Variants in VAX2 observed in about 807,000 individuals in gnomAD.
The protein encoded by VAX2 is ventral anterior homeobox 2.
VAX2 carries 8 observed loss-of-function variants against 12.5 expected under a neutral mutation model. The ratio of observed to expected loss-of-function variants is 0.64; its 90% CI spans 0.37 to 1.15. The LOEUF is 1.15. Among genes scored for constraint, VAX2 ranks in the 50% most tolerant of loss-of-function variants. VAX2 has a pLI of 0.01. For missense variants in VAX2, 476 were observed against 412.9 expected (o/e 1.15, Z -1.32); for synonymous variants, 183 against 187.6 (o/e 0.98, Z 0.20).
At chr2:70,908,381 T>C (rs868979536) in intron 1 of VAX2, among the ~76,000 whole-genome samples, 3 of 152,212 alleles carry the variant, frequency 2.0e-5, no homozygotes, top group South Asian at 2.1e-4. Flanking sequence ...GTTCAAGGAC[T>C]TTCTAATATG....
intron 1 of VAX2, among the ~76,000 whole-genome samples, chr2:70,911,220 G>A (rs1171528250): frequency 2.6e-5 from 4 of 151,984 alleles, no homozygotes; most frequent in Non-Finnish European, 5.9e-5. Flanking sequence ...ATAAAAATGG[G>A]TTTATGCACA....
At chr2:70,915,973 C>T (rs994580534) in intron 1 of VAX2, among the ~76,000 whole-genome samples, 3 of 152,152 alleles carry the variant, frequency 2.0e-5, no homozygotes, top group Admixed American at 6.5e-5. Flanking sequence ...ACTTTAGCCT[C>T]ACCCTAAGCC....
At chr2:70,906,269 T>G (rs1304928267) in intron 1 of VAX2, among the ~76,000 whole-genome samples, 1 of 152,134 alleles carries the variant, frequency 6.6e-6, no homozygotes, top group East Asian at 1.9e-4. Context: ...GTGTCCTGGG[T>G]TCTCCCACTG....
rs782551077 is a variant in VAX2, at chr2:70,932,878, C to G, written c.547C>G (p.Leu183Val). 1 of 1,613,626 alleles carries G rather than the reference C, an allele frequency of 6.2e-7. No individual in the cohort carries two copies. The highest frequency in any genetic ancestry group is 1.1e-5 in the South Asian group (1 of 91,062). The change falls in exon 3 of 3, where the codon CTG becomes GTG. Residue 183 changes from leucine (L) to valine (V), a missense_variant. Coordinates refer to ENST00000234392, the MANE Select transcript of VAX2 (RefSeq NM_012476.3). ...CGAGGCCTTTGCCACCTCCAACATT[C>G]TGCGGCTGCTGGAGCAGGGCCGGCT... ...ASEAFATSNI[L>V]RLLEQGRLLS...
chr2:70,900,953 C>T (rs1281887915), intron 1 of VAX2, 85 bp downstream of exon 1: 2 of 1,188,642 alleles, frequency 1.7e-6, no homozygotes, highest in Non-Finnish European at 1.1e-6. Flanking sequence ...GCTGACACCT[C>T]TCAATTCATA....
intron 1 of VAX2, among the ~76,000 whole-genome samples, chr2:70,916,655 T>C (rs1679311264): frequency 6.6e-6 from 1 of 152,206 alleles, no homozygotes; most frequent in African/African-American, 2.4e-5. Flanking sequence ...TTTTTTCCCC[T>C]CAGTATAATT....
chr2:70,921,016 C>T (rs1679444923), intron 1 of VAX2, 82 bp from the exon 2 acceptor site: 26 of 1,421,490 alleles, frequency 1.8e-5, no homozygotes, highest in Admixed American at 1.2e-4. Flanking sequence ...CGATAGATCA[C>T]ACCACCTTTT....
intron 1 of VAX2, among the ~76,000 whole-genome samples, chr2:70,918,093 A>C (rs1400881767): frequency 2.6e-5 from 4 of 152,196 alleles, no homozygotes; most frequent in Non-Finnish European, 5.9e-5. Context: ...GGGGAGCTTG[A>C]GTTGTCCTAA....
chr2:70,917,969 T>G (rs1553412271), intron 1 of VAX2, among the ~76,000 whole-genome samples: 1 of 152,252 alleles, frequency 6.6e-6, no homozygotes, highest in Non-Finnish European at 1.5e-5. Flanking sequence ...CACAAAGTTC[T>G]GAGTCTGCTC....
chr2:70,906,520 CTTTT>C (rs869309305), intron 1 of VAX2, among the ~76,000 whole-genome samples: 42 of 60,596 alleles, frequency 6.9e-4, no homozygotes, highest in South Asian at 9.2e-4. Flanking sequence ...TTTTCTTTTC[CTTTT>C]TTTTTTTTTT....
chr2:70,926,173 T>G (rs1243337731), intron 2 of VAX2, among the ~76,000 whole-genome samples: 3 of 152,116 alleles, frequency 2.0e-5, no homozygotes, highest in Non-Finnish European at 2.9e-5. Context: ...TCCTTGGCTC[T>G]CCACCACTCA....
chr2:70,928,168 G>T (rs1553413800), intron 2 of VAX2, among the ~76,000 whole-genome samples: 1 of 152,250 alleles, frequency 6.6e-6, no homozygotes, highest in Non-Finnish European at 1.5e-5. Context: ...AGGGCCCTGT[G>T]AACCTACCCG....
intron 2 of VAX2, among the ~76,000 whole-genome samples, chr2:70,927,165 TG>T (rs1245332921): frequency 2.6e-5 from 4 of 152,112 alleles, no homozygotes; most frequent in African/African-American, 9.7e-5. Flanking sequence ...TTGCATCAAA[TG>T]CTTGATATTT....
Position 70,900,796 on chromosome 2 carries a change from G to A in VAX2, c.175G>A (p.Glu59Lys). ...TSASSPAGSR[E>K]SGADSDGQPG... ...AGCCTCCAGTCCCGCAGGCTCCAGG[G>A]AGAGTGGAGCCGACAGCGACGGGCA... The change falls in exon 1 of 3, where the codon GAG becomes AAG. Residue 59 changes from glutamate (E) to lysine (K), a missense_variant. Transcript: ENST00000234392. The A allele has an allele frequency of 1.3e-6, 2 of 1,496,658 alleles. No homozygotes were observed. Among genetic ancestry groups the A allele is most frequent in the Non-Finnish European group, 1.8e-6 (2 of 1,123,254 alleles). 92.7% of individuals were successfully genotyped at this position (1,496,658 alleles called of 1,614,324 possible).
chr2:70,932,940 G>A lies in VAX2; in HGVS notation c.609G>A (p.Leu203=), dbSNP rs372003294. 1.2e-6 allele frequency: 2 copies of A among 1,612,904 alleles called. No individual in the cohort carries two copies. Among genetic ancestry groups the A allele is most frequent in the East Asian group, 4.5e-5 (2 of 44,840 alleles). ...CCAGGGCCCCTAGCCTCCTGGCGCT[G>A]ACCCCTAGCCTGCCAGGCCTACCTG... ...SVPRAPSLLA[L]TPSLPGLPAS... Residue 203 remains leucine (L), a synonymous_variant, in exon 3 of 3, where the codon CTG becomes CTA. Transcript: ENST00000234392.
At chr2:70,932,681 CTTCCTCTCCTTTCCTCCTCCCACCTG>C in intron 2 of VAX2, 60 bp from the exon 3 acceptor site, 1 of 834,490 alleles carries the variant, frequency 1.2e-6, no homozygotes, top group Non-Finnish European at 1.7e-6. Context: ...ACCCCATGCC[CTTCCTCTCCTTTCCTCCTCCCACCTG>C]CCCCCACTTT....
chr2:70,919,936 C>T (rs1057239869), intron 1 of VAX2, among the ~76,000 whole-genome samples: 10 of 152,202 alleles, frequency 6.6e-5, no homozygotes, highest in Admixed American at 3.3e-4. Context: ...AGACGTTTGT[C>T]AGCCTTTGTT....
At position 70,932,758 on chromosome 2, in the gene VAX2, C is replaced by A. The variant is rs201813531; in HGVS notation, c.436-9C>A. On this transcript the variant is annotated splice_polypyrimidine_tract_variant and intron_variant, in intron 2 of 2. Coordinates refer to ENST00000234392, the MANE Select transcript of VAX2 (RefSeq NM_012476.3). ...TCTCCCTCCTTGACACCCCCTCCCC[C>A]ACCCCAAGGTGAAGGTCTGGTTCCA... The A allele has an allele frequency of 1.1e-4, 174 of 1,532,020 alleles. No homozygotes were observed. In the Middle Eastern group the frequency reaches 1.9e-3, roughly 17 times the overall value. The allele number at this position is 1,532,020 out of a possible 1,614,324, so 94.9% of individuals were successfully genotyped here.
chr2:70,917,325 A>ATAAG (rs1371213482), intron 1 of VAX2, among the ~76,000 whole-genome samples: 10 of 151,220 alleles, frequency 6.6e-5, no homozygotes, highest in Admixed American at 6.6e-4. Flanking sequence ...CTATCTCCAA[A>ATAAG]TAAATAAATA....
Sources: gnomAD v4.1 joint callset for allele counts (sites outside exome capture counted in the v4.1 genomes callset) on GRCh38, gnomAD v4.1.1 for gene constraint, MANE v1.5 for transcripts, NCBI Gene and HGNC (gene_info 2026-07-23, HGNC 2026-07-21) for gene names.